PHYHIPL: variants seen among roughly 807,000 people sequenced by gnomAD.
The protein encoded by PHYHIPL is phytanoyl-CoA hydroxylase-interacting protein-like.
In PHYHIPL, 9 loss-of-function variants were observed where a neutral mutation model predicts 33.4. The ratio of observed to expected loss-of-function variants is 0.27; its 90% CI spans 0.16 to 0.47. The LOEUF (loss-of-function observed/expected upper bound fraction) is 0.47. Among genes scored for constraint, PHYHIPL ranks in the 20% least tolerant of loss-of-function variants. The probability of loss-of-function intolerance (pLI) is 0.99; values close to 1 mark genes in which losing one functional copy is unlikely to be tolerated. For synonymous variants in PHYHIPL, 153 were observed against 154.1 expected, an observed-to-expected ratio of 0.99 and a Z score of 0.05; for missense variants, 365 against 460.7, an observed-to-expected ratio of 0.79 and a Z score of 1.90.
chr10:59,179,313 G>C (rs1006279546), intron 1 of PHYHIPL, among the ~76,000 whole-genome samples: 1 of 152,002 alleles, frequency 6.6e-6, no homozygotes, highest in Non-Finnish European at 1.5e-5. Flanking sequence ...CTCAAGTCTC[G>C]TTATTTTACT....
intron 1 of PHYHIPL, among the ~76,000 whole-genome samples, chr10:59,184,223 A>G (rs1838501018): frequency 6.6e-6 from 1 of 152,206 alleles, no homozygotes; most frequent in Non-Finnish European, 1.5e-5. Context: ...TTTTATTGGA[A>G]TACAGCCATA....
At chr10:59,224,917 A>T (rs988570290) in intron 1 of PHYHIPL, among the ~76,000 whole-genome samples, 1 of 151,880 alleles carries the variant, frequency 6.6e-6, no homozygotes, top group African/African-American at 2.4e-5. Flanking sequence ...AAAAATAGTA[A>T]CTCTGCTATT....
rs768353582 is a variant in PHYHIPL at position 59,176,864 on chromosome 10, C to T, written c.11C>T (p.Pro4Leu). ...GAGTGGGTTGGAAAAATGGAGGTGC[C>T]GCGCCTGGATCATGCCCTCAACAGC... MEV[P>L]RLDHALNSPT... The change falls in exon 1 of 5, where the codon CCG becomes CTG. Residue 4 changes from proline (P) to leucine (L), a missense_variant. Transcript: ENST00000373880. The T allele has an allele frequency of 1.6e-5, 25 of 1,612,436 alleles. No homozygotes were observed. Among genetic ancestry groups the T allele is most frequent in the Non-Finnish European group, 2.0e-5 (24 of 1,179,312 alleles).
intron 4 of PHYHIPL, among the ~76,000 whole-genome samples, chr10:59,239,960 C>T (rs1840341603): frequency 6.6e-6 from 1 of 151,958 alleles, no homozygotes; most frequent in African/African-American, 2.4e-5. Context: ...ACCATGGTTC[C>T]AGATTTAAAT....
chr10:59,216,061 A>T (rs369047454), intron 1 of PHYHIPL, among the ~76,000 whole-genome samples: 28 of 152,086 alleles, frequency 1.8e-4, no homozygotes, highest in African/African-American at 6.8e-4. Context: ...AGGGGTGTTG[A>T]ACACATTTCA....
chr10:59,194,567 A>G (rs762642555), intron 1 of PHYHIPL, among the ~76,000 whole-genome samples: 18 of 152,198 alleles, frequency 1.2e-4, no homozygotes, highest in Non-Finnish European at 1.9e-4. Flanking sequence ...GAAATCTGAA[A>G]TATCTAAACT....
At chr10:59,236,424 C>A in intron 2 of PHYHIPL, 59 bp from the exon 3 acceptor site, 1 of 1,093,814 alleles carries the variant, frequency 9.1e-7, no homozygotes, top group South Asian at 2.6e-5. Flanking sequence ...TTCTTCACTT[C>A]CTTCGTCCCT....
chr10:59,218,755 G>T (rs914989564), intron 1 of PHYHIPL, among the ~76,000 whole-genome samples: 1 of 133,190 alleles, frequency 7.5e-6, no homozygotes, highest in African/African-American at 2.5e-5. Flanking sequence ...GAGTGATCTT[G>T]GTCTGATATA....
chr10:59,182,505 G>C (rs1401402617), intron 1 of PHYHIPL, among the ~76,000 whole-genome samples: 2 of 152,024 alleles, frequency 1.3e-5, no homozygotes, highest in Non-Finnish European at 2.9e-5. Flanking sequence ...ACCACACCCA[G>C]CTAATTTTTG....
At chr10:59,234,766 A>T (rs1840174981) in intron 2 of PHYHIPL, among the ~76,000 whole-genome samples, 2 of 151,886 alleles carry the variant, frequency 1.3e-5, no homozygotes, top group South Asian at 4.1e-4. Flanking sequence ...GTTTACCTTA[A>T]AGATTTTATT....
At chr10:59,213,970 C>T (rs1839537164) in intron 1 of PHYHIPL, among the ~76,000 whole-genome samples, 5 of 152,036 alleles carry the variant, frequency 3.3e-5, no homozygotes. Flanking sequence ...ACTAGAAACT[C>T]CTTCTATGCC....
chr10:59,177,574 A>AAATATTGGC (rs1183919325), intron 1 of PHYHIPL: 1 of 1,551,554 alleles, frequency 6.4e-7, no homozygotes, highest in African/African-American at 1.4e-5. Flanking sequence ...AGACTGTCGA[A>AAATATTGGC]AATATTGGCC....
At chr10:59,177,400 A>C (rs1221487368) in intron 1 of PHYHIPL, 1 of 1,384,622 alleles carries the variant, frequency 7.2e-7, no homozygotes, top group Non-Finnish European at 9.6e-7. Flanking sequence ...GAAACTTATC[A>C]TTTTCTTTTT....
At chr10:59,221,729 G>C (rs1024940940) in intron 1 of PHYHIPL, 2 of 973,268 alleles carry the variant, frequency 2.1e-6, no homozygotes, top group Non-Finnish European at 2.4e-6. Context: ...AGTTTTCCTG[G>C]CTTCTCATAA....
At chr10:59,235,303 A>C (rs1217479080) in intron 2 of PHYHIPL, among the ~76,000 whole-genome samples, 1 of 151,900 alleles carries the variant, frequency 6.6e-6, no homozygotes, top group Admixed American at 6.6e-5. Context: ...TTCACATATC[A>C]TATATCTTTT....
intron 1 of PHYHIPL, among the ~76,000 whole-genome samples, chr10:59,218,910 ATTC>A (rs1361402531): frequency 6.6e-6 from 1 of 151,886 alleles, no homozygotes; most frequent in Non-Finnish European, 1.5e-5. Context: ...TGCACAATTT[ATTC>A]TTTTTTATTT....
At position 59,247,349 on chromosome 10, in the gene PHYHIPL, A is replaced by G. The variant is rs1336020740; in HGVS notation, c.*1758A>G. On this transcript the variant is annotated 3_prime_UTR_variant, in exon 5 of 5. Transcript: ENST00000373880. ...TAAAATATTAGACATTTTTAAAAAT[A>G]CTTGTATTGACTATGAGTTTTCTGC... The G allele has an allele frequency of 2.5e-6, 1 of 404,766 alleles. No individual in the cohort carries two copies. The highest frequency in any genetic ancestry group is 5.4e-5 in the East Asian group (1 of 18,410). 25.1% of individuals were successfully genotyped at this position (404,766 alleles called of 1,614,324 possible). A position where few individuals can be genotyped will look rare whatever the true frequency, so the allele number is the denominator to read the frequency against.
chr10:59,243,918 C>T (rs1202290605), intron 4 of PHYHIPL, among the ~76,000 whole-genome samples: 1 of 152,134 alleles, frequency 6.6e-6, no homozygotes, highest in Admixed American at 6.5e-5. Context: ...AAGTTTTACT[C>T]TTCATGGGAA....
chr10:59,235,849 CTCTA>C (rs1840214801), intron 2 of PHYHIPL, among the ~76,000 whole-genome samples: 1 of 151,956 alleles, frequency 6.6e-6, no homozygotes, highest in South Asian at 2.1e-4. Flanking sequence ...GACACATAGA[CTCTA>C]TATTTGAATG....
Sources: allele counts gnomAD v4.1 joint callset (sites outside exome capture counted in the v4.1 genomes callset), GRCh38; gene constraint gnomAD v4.1.1; transcripts MANE v1.5; gene names NCBI Gene and HGNC (gene_info 2026-07-23, HGNC 2026-07-21).